Variants in CENPU observed in about 807,000 individuals in gnomAD.
CENPU encodes the protein KSHV latent nuclear antigen interacting protein 1.
CENPU carries 46 observed loss-of-function variants against 56.7 expected under a neutral mutation model. That is an observed-to-expected ratio of 0.81 (90% CI 0.64 to 1.04). The LOEUF (loss-of-function observed/expected upper bound fraction) is 1.04. CENPU is among the 50% of genes least tolerant of loss of function. The pLI, the probability that CENPU is intolerant of heterozygous loss-of-function variation, is 0.00. For synonymous variants in CENPU, 166 were observed against 163.0 expected (o/e 1.02, Z -0.14); for missense variants, 510 against 490.1 (o/e 1.04, Z -0.38).
At chr4:184,732,618 T>TG (rs11439969) in intron 1 of CENPU, among the ~76,000 whole-genome samples, 85,800 of 151,442 alleles carry the variant, frequency 0.57, 26,111 homozygotes, top group Non-Finnish European at 0.69. Context: ...TGTCCTTTCT[T>TG]GGGGGGGAAA....
chr4:184,722,979 G>A (rs1761330359), intron 4 of CENPU, among the ~76,000 whole-genome samples: 1 of 152,124 alleles, frequency 6.6e-6, no homozygotes, highest in African/African-American at 2.4e-5. Flanking sequence ...ACTATAAAAA[G>A]GACAAACACG....
In CENPU at chr4:184,712,964, CTT is replaced by C; in HGVS notation, c.666_667del (p.Arg223LysfsTer2). 6.3e-7 allele frequency: 1 copy of C among 1,591,618 alleles called. No homozygotes were observed. The highest frequency in any genetic ancestry group is 8.6e-7 in the Non-Finnish European group (1 of 1,167,546). On this transcript the variant is annotated frameshift_variant, in exon 7 of 13. Transcript: ENST00000281453. LOFTEE classifies it high-confidence loss of function. Reference sequence around the variant, plus strand: ...TCTACCTGAGCCTATGGCTTTACTTCTTGATTTCTTCCTTTTGTCATGAGATA... The same window carrying C: ...TCTACCTGAGCCTATGGCTTTACTTCGATTTCTTCCTTTTGTCATGAGATA...
chr4:184,723,636 G>A (rs1032165781), intron 4 of CENPU, among the ~76,000 whole-genome samples: 3 of 151,870 alleles, frequency 2.0e-5, no homozygotes, highest in African/African-American at 4.8e-5. Flanking sequence ...GAGCTCAAGA[G>A]ATCAAGACCA....
intron 12 of CENPU, 46 bp from the exon 13 acceptor site, chr4:184,695,447 C>T (rs766560465): frequency 2.2e-5 from 30 of 1,388,382 alleles, no homozygotes; most frequent in Non-Finnish European, 2.4e-5. Context: ...AAACTCATAA[C>T]CTTGTCCTTA....
At chr4:184,717,580 T>C (rs140484442) in intron 4 of CENPU, among the ~76,000 whole-genome samples, 2 of 152,284 alleles carry the variant, frequency 1.3e-5, no homozygotes, top group East Asian at 3.9e-4. Context: ...AGGAAAAAAA[T>C]AGCCCTAACT....
At chr4:184,702,607 A>T in intron 8 of CENPU, 166 bp from the exon 9 acceptor site, 1 of 500,440 alleles carries the variant, frequency 2.0e-6, no homozygotes, top group South Asian at 2.5e-5. Context: ...TTTTAGATTA[A>T]GGGGTTTGTT....
In CENPU at chr4:184,697,941, G is replaced by A. The variant is rs10000480; in HGVS notation, c.987-138C>T. ...TTGCTTTGGCTCTGAAACTACGAAT[G>A]TGTAAAAGATTCTGGGTTTCAGTTT... On this transcript the variant is annotated intron_variant, in intron 11 of 12. Transcript: ENST00000281453. The A allele has an allele frequency of 6.5e-3, 3,861 of 592,220 alleles. 80 individuals are homozygous for A. Among genetic ancestry groups the A allele is most frequent in the South Asian group, 0.038 (1,650 of 43,298 alleles). The allele number at this position is 592,220 out of a possible 1,614,324, so 36.7% of individuals were successfully genotyped here.
chr4:184,702,534 T>C (rs1760570718), intron 8 of CENPU, 93 bp from the exon 9 acceptor site: 2 of 773,802 alleles, frequency 2.6e-6, no homozygotes, highest in African/African-American at 1.8e-5. Context: ...CACATACAAT[T>C]TGGCATATAC....
In CENPU at chr4:184,722,543, G is replaced by A. The variant is rs146873002; in HGVS notation, c.320+2414C>T. Among the ~76,000 whole-genome samples, 619 of 151,698 alleles carry A rather than the reference G, an allele frequency of 4.1e-3. 7 individuals are homozygous for A. The highest frequency in any genetic ancestry group is 0.017 in the Middle Eastern group (5 of 294). ...TCATAGAAGTTCTAAAAGAAAACAC[G>A]AAGGGAGATGTCTTCCTATGACTCA... On this transcript the variant is annotated intron_variant, in intron 4 of 12. Transcript: ENST00000281453.
chr4:184,729,517 A>G (rs944275019), intron 2 of CENPU, among the ~76,000 whole-genome samples: 1 of 152,224 alleles, frequency 6.6e-6, no homozygotes. Context: ...TGAATTTCAT[A>G]TCATGTTCAC....
chr4:184,699,154 T>C lies in CENPU; in HGVS notation c.987-1351A>G, dbSNP rs559582998. ...CATCCTGACTAACATGGTGAAACCC[T>C]GTCTCTACTAAAAATACAAAAAAAA... On this transcript the variant is annotated intron_variant, in intron 11 of 12. Coordinates refer to ENST00000281453, the MANE Select transcript of CENPU (RefSeq NM_024629.4). Among the ~76,000 whole-genome samples the C allele has an allele frequency of 7.0e-4, 106 of 151,878 alleles. 1 individual carries two copies. The highest frequency in any genetic ancestry group is 2.4e-3 in the African/African-American group (100 of 41,424).
At position 184,694,903 on chromosome 4, in the gene CENPU, G is replaced by T. The variant is rs796798501; in HGVS notation, c.*385C>A. The T allele has an allele frequency of 2.3e-6, 2 of 857,104 alleles. No individual in the cohort carries two copies. Among genetic ancestry groups the T allele is most frequent in the South Asian group, 4.2e-5 (2 of 47,698 alleles). 53.1% of individuals were successfully genotyped at this position (857,104 alleles called of 1,614,324 possible). A position where few individuals can be genotyped will look rare whatever the true frequency, so the allele number is the denominator to read the frequency against. The stretch of plus-strand genomic sequence containing the variant: ...TTTATTACTTTGCTTTCCAATTTTT[G>T]TTTTTTACTTCTGTAAACCAATTTC... On this transcript the variant is annotated 3_prime_UTR_variant, in exon 13 of 13. Coordinates refer to ENST00000281453, the MANE Select transcript of CENPU (RefSeq NM_024629.4).
intron 1 of CENPU, chr4:184,733,398 C>A: frequency 1.0e-6 from 1 of 993,420 alleles, no homozygotes; most frequent in Non-Finnish European, 1.2e-6. Context: ...AGCCGAGACC[C>A]TTCCCGCCAG....
intron 4 of CENPU, among the ~76,000 whole-genome samples, chr4:184,722,364 T>TA (rs974303145): frequency 6.6e-6 from 1 of 152,078 alleles, no homozygotes; most frequent in African/African-American, 2.4e-5. Context: ...CCAAAACTAA[T>TA]AAAGATCAGC....
chr4:184,729,147 T>G, intron 2 of CENPU, 112 bp from the exon 3 acceptor site: 4 of 787,486 alleles, frequency 5.1e-6, no homozygotes, highest in African/African-American at 1.7e-5. Context: ...GCAATCCTTA[T>G]GCATGGGGTG....
At chr4:184,720,105 G>A (rs560964937) in intron 4 of CENPU, among the ~76,000 whole-genome samples, 1 of 152,248 alleles carries the variant, frequency 6.6e-6, no homozygotes, top group Non-Finnish European at 1.5e-5. Flanking sequence ...CAAAATAGCT[G>A]TTCTGAGGAA....
At chr4:184,719,946 T>C (rs1367475916) in intron 4 of CENPU, among the ~76,000 whole-genome samples, 1 of 152,114 alleles carries the variant, frequency 6.6e-6, no homozygotes, top group Non-Finnish European at 1.5e-5. Context: ...CTACAATAAA[T>C]ACCTGACTCT....
chr4:184,724,669 T>C (rs1053740614), intron 4 of CENPU, among the ~76,000 whole-genome samples: 19 of 152,242 alleles, frequency 1.2e-4, no homozygotes, highest in African/African-American at 4.3e-4. Flanking sequence ...CCTAACATTC[T>C]ATGCTTGTAA....
chr4:184,711,745 T>C (rs1422890796), intron 7 of CENPU, among the ~76,000 whole-genome samples: 1 of 152,212 alleles, frequency 6.6e-6, no homozygotes, highest in Non-Finnish European at 1.5e-5. Flanking sequence ...ATTTAACATA[T>C]GCCTACCCTA....
Sources: gnomAD v4.1 joint callset for allele counts (sites outside exome capture counted in the v4.1 genomes callset) on GRCh38, gnomAD v4.1.1 for gene constraint, MANE v1.5 for transcripts, NCBI Gene and HGNC (gene_info 2026-07-23, HGNC 2026-07-21) for gene names.